COL28A1: variants seen among roughly 807,000 people sequenced by gnomAD.
COL28A1 encodes collagen type XXVIII alpha 1 chain.
Under a neutral mutation model 150.2 loss-of-function variants are expected in COL28A1, and 161 were observed. The observed-to-expected ratio is 1.07, with a 90% confidence interval of 0.94 to 1.22. The LOEUF is 1.22. Among genes scored for constraint, COL28A1 ranks in the 50% most tolerant of loss-of-function variants. The pLI is 0.00. For synonymous variants in COL28A1, 552 were observed against 469.7 expected (o/e 1.18, Z -2.26); for missense variants, 1,617 against 1,388.3 (o/e 1.16, Z -2.62).
At chr7:7,397,792 C>A (rs2128297206) in intron 27 of COL28A1, among the ~76,000 whole-genome samples, 1 of 152,278 alleles carries the variant, frequency 6.6e-6, no homozygotes, top group Admixed American at 6.5e-5. Context: ...ACCCCCTACA[C>A]AAATTGGGCA....
intron 25 of COL28A1, chr7:7,431,476 G>C (rs1203589541): frequency 2.1e-6 from 1 of 469,062 alleles, no homozygotes; most frequent in East Asian, 7.0e-5. Context: ...GGTCGGGGAG[G>C]TGACATTTGA....
At chr7:7,500,976 A>G (rs978667389) in intron 11 of COL28A1, among the ~76,000 whole-genome samples, 9 of 152,300 alleles carry the variant, frequency 5.9e-5, no homozygotes, top group Non-Finnish European at 1.3e-4. Context: ...TAGTTCATTC[A>G]CTAACAGTAG....
At position 7,432,693 on chromosome 7, in the gene COL28A1, T is replaced by C. The variant is rs770977826; in HGVS notation, c.1868A>G (p.Gln623Arg). ...GLSIRGPKGV[Q>R]GPRGPVGAPG... is the part of the protein sequence containing the mutation. ...AGCACCCACTGGTCCCCGAGGGCCT[T>C]GGACACCCTGGGTAAATTCCAACAT... is the stretch of plus-strand genomic sequence containing the variant. The change falls in exon 24 of 35, where the codon CAA becomes CGA. Residue 623 changes from glutamine to arginine, a missense_variant. Coordinates refer to ENST00000399429, the MANE Select transcript of COL28A1 (RefSeq NM_001037763.3). The C allele has an allele frequency of 8.1e-6, 13 of 1,613,306 alleles. No individual in the cohort carries two copies. The highest frequency in any genetic ancestry group is 1.7e-4 in the Middle Eastern group (1 of 5,734).
At chr7:7,365,587 G>C (rs377208015) in intron 33 of COL28A1, among the ~76,000 whole-genome samples, 1 of 152,116 alleles carries the variant, frequency 6.6e-6, no homozygotes, top group East Asian at 1.9e-4. Flanking sequence ...ACATCCAAAA[G>C]GTCTTTTGCT....
At chr7:7,524,191 T>G in intron 4 of COL28A1, 38 bp downstream of exon 4, 1 of 1,005,064 alleles carries the variant, frequency 9.9e-7, no homozygotes, top group Non-Finnish European at 1.6e-6. Context: ...TGCAAGTGTT[T>G]GGAGTAATTC....
At chr7:7,439,561 G>A (rs1785602472) in intron 21 of COL28A1, among the ~76,000 whole-genome samples, 1 of 152,148 alleles carries the variant, frequency 6.6e-6, no homozygotes, top group African/African-American at 2.4e-5. Flanking sequence ...CCTGTATTAA[G>A]GGGTGATTAT....
intron 27 of COL28A1, among the ~76,000 whole-genome samples, chr7:7,389,559 T>C (rs59743688): frequency 8.9e-4 from 135 of 152,338 alleles, no homozygotes; most frequent in African/African-American, 3.2e-3. Context: ...TTGATAGGGA[T>C]TGCATTGAAT....
intron 25 of COL28A1, among the ~76,000 whole-genome samples, chr7:7,430,370 G>C (rs1562622648): frequency 6.6e-6 from 1 of 152,034 alleles, no homozygotes; most frequent in Non-Finnish European, 1.5e-5. Flanking sequence ...CAGGTGATCT[G>C]CCCACCTCAG....
At chr7:7,507,590 A>G in intron 9 of COL28A1, among the ~76,000 whole-genome samples, 1 of 152,284 alleles carries the variant, frequency 6.6e-6, no homozygotes, top group East Asian at 1.9e-4. Context: ...GTGGCAAAAC[A>G]CTGTTTATAT....
chr7:7,520,126 A>G lies in COL28A1; in HGVS notation c.760-11T>C. 1.7e-6 allele frequency: 2 copies of G among 1,204,040 alleles called. No homozygotes were observed. Among genetic ancestry groups the G allele is most frequent in the Non-Finnish European group, 2.5e-6 (2 of 809,966 alleles). 74.6% of individuals were successfully genotyped at this position (1,204,040 alleles called of 1,614,324 possible). A position where few individuals can be genotyped will look rare whatever the true frequency, so the allele number is the denominator to read the frequency against. On this transcript the variant is annotated splice_polypyrimidine_tract_variant and intron_variant, in intron 5 of 34. Transcript: ENST00000399429. Reference sequence around the variant, plus strand: ...ATTTCCATGTGTACCCTGAAGGCAAAGGGAAAAAATATTATTTTAAGTAGG... The same window carrying G: ...ATTTCCATGTGTACCCTGAAGGCAAGGGGAAAAAATATTATTTTAAGTAGG...
chr7:7,359,894 T>C (rs1021507713), intron 34 of COL28A1, among the ~76,000 whole-genome samples: 1 of 152,188 alleles, frequency 6.6e-6, no homozygotes, highest in Non-Finnish European at 1.5e-5. Context: ...AGCACAAAAA[T>C]TGTCTCTCAT....
intron 17 of COL28A1, among the ~76,000 whole-genome samples, chr7:7,452,754 A>G (rs1786809812): frequency 6.6e-6 from 1 of 152,186 alleles, no homozygotes; most frequent in African/African-American, 2.4e-5. Flanking sequence ...GCAATGTCAT[A>G]AGCAGAGAAC....
intron 9 of COL28A1, among the ~76,000 whole-genome samples, chr7:7,510,178 C>T (rs1368283873): frequency 6.6e-6 from 1 of 151,482 alleles, no homozygotes; most frequent in African/African-American, 2.4e-5. Flanking sequence ...TTTTTTGGAC[C>T]CTTTAACATC....
At position 7,474,617 on chromosome 7, in the gene COL28A1, G is replaced by C; in HGVS notation, c.1286C>G (p.Ser429Ter). 1 of 1,325,142 alleles carries C rather than the reference G, an allele frequency of 7.5e-7. No homozygotes were observed. Among genetic ancestry groups the C allele is most frequent in the Non-Finnish European group, 1.1e-6 (1 of 916,782 alleles). 82.1% of individuals were successfully genotyped at this position (1,325,142 alleles called of 1,614,324 possible). A position where few individuals can be genotyped will look rare whatever the true frequency, so the allele number is the denominator to read the frequency against. Residue 429 changes from serine (S) to a stop codon, truncating the protein, a stop_gained, in exon 15 of 35, where the codon TCA becomes TGA. Coordinates refer to ENST00000399429, the MANE Select transcript of COL28A1 (RefSeq NM_001037763.3). LOFTEE classifies it high-confidence loss of function. ...ATACAGTACCTTCTCCCCTTTGATT[G>C]ACAGGCCTTGTAATCCCTGTGGGCC... ...PTGPQGLQGLSIKGEKGDIGP... is the reference protein window; with the variant it reads ...PTGPQGLQGL
Position 7,500,167 on chromosome 7 carries a change from T to C in COL28A1, c.1026+5847A>G, listed in dbSNP as rs1780440505. Among the ~76,000 whole-genome samples, 3 of 152,228 alleles carry C rather than the reference T, an allele frequency of 2.0e-5. No homozygotes were observed. In the South Asian group the frequency reaches 6.2e-4, roughly 31 times the overall value. ...GTTTGCTCCACAACTCATTGCCATC[T>C]CCTTGACCCTTCTACTGAAATTATT... On this transcript the variant is annotated intron_variant, in intron 11 of 34. Coordinates refer to ENST00000399429, the MANE Select transcript of COL28A1 (RefSeq NM_001037763.3).
chr7:7,358,631 G>C lies in COL28A1; in HGVS notation c.*2C>G. 2 of 1,613,556 alleles carry C rather than the reference G, an allele frequency of 1.2e-6. No homozygotes were observed. Among genetic ancestry groups the C allele is most frequent in the South Asian group, 1.1e-5 (1 of 90,974 alleles). ...TTGATAGAGACAGGCCAATTTACTTGCTCATCCTTGAATGCAGGTTTCTTG... is the reference window on the plus strand; with the variant it reads ...TTGATAGAGACAGGCCAATTTACTTCCTCATCCTTGAATGCAGGTTTCTTG... On this transcript the variant is annotated 3_prime_UTR_variant, in exon 35 of 35. Coordinates refer to ENST00000399429, the MANE Select transcript of COL28A1 (RefSeq NM_001037763.3).
At chr7:7,422,494 C>T (rs139142222) in intron 25 of COL28A1, among the ~76,000 whole-genome samples, 45 of 151,976 alleles carry the variant, frequency 3.0e-4, no homozygotes, top group African/African-American at 9.6e-4. Flanking sequence ...CTAGGCGTGG[C>T]GGCAGGCACC....
chr7:7,517,792 A>G lies in COL28A1; in HGVS notation c.855+4T>C, dbSNP rs940360500. 9 of 1,613,748 alleles carry G rather than the reference A, an allele frequency of 5.6e-6. No homozygotes were observed. Among genetic ancestry groups the G allele is most frequent in the African/African-American group, 1.3e-5 (1 of 75,014 alleles). On this transcript the variant is annotated splice_donor_region_variant and intron_variant, in intron 7 of 34. Transcript: ENST00000399429. ...TTAGGAAGGCATTCCAGTTGTGTAC[A>G]TACCCCTGGACCTCTTTCTCCAGCT...
intron 15 of COL28A1, among the ~76,000 whole-genome samples, chr7:7,471,858 G>A (rs1338192473): frequency 1.3e-5 from 2 of 152,262 alleles, no homozygotes; most frequent in East Asian, 3.9e-4. Flanking sequence ...TGGCACCACT[G>A]CACTCTGGCC....
Sources: allele counts gnomAD v4.1 joint callset (sites outside exome capture counted in the v4.1 genomes callset), GRCh38; gene constraint gnomAD v4.1.1; transcripts MANE v1.5; gene names NCBI Gene and HGNC (gene_info 2026-07-23, HGNC 2026-07-21).